Variants in CADM2 observed in about 807,000 individuals in gnomAD.
CADM2 encodes cell adhesion molecule 2.
Under a neutral mutation model 49.8 loss-of-function variants are expected in CADM2, and 12 were observed. That is an observed-to-expected ratio of 0.24 (90% CI 0.15 to 0.39). CADM2 has a LOEUF of 0.39. Among genes scored for constraint, CADM2 ranks in the 10% least tolerant of loss-of-function variants. CADM2 has a pLI of 1.00. For synonymous variants in CADM2, 214 were observed against 175.4 expected, an observed-to-expected ratio of 1.22 and a Z score of -1.74; for missense variants, 378 against 492.3, an observed-to-expected ratio of 0.77 and a Z score of 2.20.
chr3:85,806,750 CAAAA>C (rs2072453372), intron 3 of CADM2, among the ~76,000 whole-genome samples: 1 of 150,600 alleles, frequency 6.6e-6, no homozygotes, highest in Non-Finnish European at 1.5e-5. Context: ...CAAAACAAAA[CAAAA>C]CAAACAAACA....
At chr3:85,215,703 C>T (rs1031867322) in intron 1 of CADM2, among the ~76,000 whole-genome samples, 3 of 152,142 alleles carry the variant, frequency 2.0e-5, no homozygotes, top group African/African-American at 7.2e-5. Flanking sequence ...CTCCAGAGGA[C>T]TGCAGCCCAT....
chr3:85,663,142 T>C (rs1193629941), intron 1 of CADM2, among the ~76,000 whole-genome samples: 3 of 152,032 alleles, frequency 2.0e-5, no homozygotes, highest in African/African-American at 7.2e-5. Flanking sequence ...CGATCTTGGG[T>C]AATGTCCTTA....
At chr3:85,122,090 C>CTT (rs2038884663) in intron 1 of CADM2, among the ~76,000 whole-genome samples, 1 of 151,842 alleles carries the variant, frequency 6.6e-6, no homozygotes, top group Non-Finnish European at 1.5e-5. Flanking sequence ...TATTTGACCT[C>CTT]TAACTCCTTC....
At chr3:85,297,734 A>G (rs1425877736) in intron 1 of CADM2, among the ~76,000 whole-genome samples, 1 of 152,018 alleles carries the variant, frequency 6.6e-6, no homozygotes, top group Admixed American at 6.6e-5. Flanking sequence ...ATAGAAACCT[A>G]CATATTGATC....
chr3:85,802,240 A>C, intron 3 of CADM2, 44 bp downstream of exon 3: 2 of 1,510,068 alleles, frequency 1.3e-6, no homozygotes, highest in Non-Finnish European at 1.8e-6. Flanking sequence ...ATTCTAAAAT[A>C]TCCTAATTAC....
intron 1 of CADM2, among the ~76,000 whole-genome samples, chr3:85,051,912 A>AT (rs2035897175): frequency 6.6e-6 from 1 of 152,010 alleles, no homozygotes; most frequent in Non-Finnish European, 1.5e-5. Flanking sequence ...AAATGAAGGG[A>AT]TTTTTTAAAT....
intron 8 of CADM2, among the ~76,000 whole-genome samples, chr3:85,973,041 G>A (rs1383019536): frequency 6.6e-6 from 1 of 151,660 alleles, no homozygotes; most frequent in Admixed American, 6.6e-5. Flanking sequence ...TAGACTGGAA[G>A]ACTCTTAACA....
In CADM2 at chr3:85,919,145, A is replaced by T. The variant is rs577350884; in HGVS notation, c.700+6602A>T. Among the ~76,000 whole-genome samples the T allele has an allele frequency of 7.9e-5, 12 of 152,206 alleles. No homozygotes were observed. In the South Asian group the frequency reaches 2.3e-3, roughly 29 times the overall value. On this transcript the variant is annotated intron_variant, in intron 6 of 9. Transcript: ENST00000383699. The stretch of plus-strand genomic sequence containing the variant: ...TATGAAAAATGAGAGTTCAAATTTT[A>T]AAAAATGTGTGTAAAGTATATTTTC...
At chr3:85,616,455 A>G (rs1340876377) in intron 1 of CADM2, among the ~76,000 whole-genome samples, 1 of 152,146 alleles carries the variant, frequency 6.6e-6, no homozygotes, top group Non-Finnish European at 1.5e-5. Context: ...TTGAATGGTT[A>G]TAATTATGAA....
chr3:85,215,648 A>G (rs764211039), intron 1 of CADM2, among the ~76,000 whole-genome samples: 1 of 151,998 alleles, frequency 6.6e-6, no homozygotes, highest in Non-Finnish European at 1.5e-5. Flanking sequence ...AGCACCAGGA[A>G]TTGCATTTCT....
intron 1 of CADM2, among the ~76,000 whole-genome samples, chr3:85,579,995 GA>G (rs1432872042): frequency 6.6e-6 from 1 of 152,124 alleles, no homozygotes; most frequent in Admixed American, 6.6e-5. Context: ...ACATGCCTTA[GA>G]AATGCAAATA....
chr3:85,772,515 T>C (rs1233133454), intron 2 of CADM2, among the ~76,000 whole-genome samples: 3 of 152,126 alleles, frequency 2.0e-5, no homozygotes, highest in Non-Finnish European at 4.4e-5. Context: ...AAAATGTATA[T>C]ATTTCTAACT....
intron 1 of CADM2, among the ~76,000 whole-genome samples, chr3:85,062,029 GTC>G (rs897469765): frequency 6.6e-6 from 1 of 151,164 alleles, no homozygotes; most frequent in Non-Finnish European, 1.5e-5. Context: ...CTCTGTCTCT[GTC>G]TCTCTGTCTC....
chr3:85,136,226 A>G (rs2039410484), intron 1 of CADM2, among the ~76,000 whole-genome samples: 1 of 151,966 alleles, frequency 6.6e-6, no homozygotes, highest in Non-Finnish European at 1.5e-5. Flanking sequence ...TAAAATAAAT[A>G]ACTAGGAAAA....
At chr3:86,033,396 AG>A (rs1351620509) in intron 8 of CADM2, among the ~76,000 whole-genome samples, 1 of 151,908 alleles carries the variant, frequency 6.6e-6, no homozygotes, top group African/African-American at 2.4e-5. Flanking sequence ...TTTATATATA[AG>A]ATACCATTAT....
chr3:85,560,286 C>T (rs1473472486), intron 1 of CADM2, among the ~76,000 whole-genome samples: 1 of 152,200 alleles, frequency 6.6e-6, no homozygotes, highest in Non-Finnish European at 1.5e-5. Flanking sequence ...TGCAAGGTCA[C>T]TGGTGCCACT....
intron 1 of CADM2, among the ~76,000 whole-genome samples, chr3:85,668,025 C>G (rs1205032046): frequency 6.6e-6 from 1 of 151,860 alleles, no homozygotes; most frequent in Non-Finnish European, 1.5e-5. Flanking sequence ...TCATAGTAGA[C>G]CTTCAACAAA....
intron 2 of CADM2, among the ~76,000 whole-genome samples, chr3:85,775,658 A>G (rs1445116148): frequency 6.6e-6 from 1 of 151,820 alleles, no homozygotes; most frequent in Admixed American, 6.6e-5. Flanking sequence ...TATAAAATAG[A>G]TTTGGTGCTA....
intron 1 of CADM2, among the ~76,000 whole-genome samples, chr3:85,526,902 A>C (rs2061169954): frequency 1.3e-5 from 2 of 152,204 alleles, no homozygotes; most frequent in Non-Finnish European, 2.9e-5. Flanking sequence ...AAAATGAGTA[A>C]GAATTTGTTT....
Sources: gnomAD v4.1 joint callset for allele counts (sites outside exome capture counted in the v4.1 genomes callset) on GRCh38, gnomAD v4.1.1 for gene constraint, MANE v1.5 for transcripts, NCBI Gene and HGNC (gene_info 2026-07-23, HGNC 2026-07-21) for gene names.